Variants in HDGFL3 observed in about 807,000 individuals in gnomAD.
The protein encoded by HDGFL3 is HDGF like 3.
Under a neutral mutation model 27.6 loss-of-function variants are expected in HDGFL3, and 6 were observed. The observed-to-expected ratio is 0.22, with a 90% confidence interval of 0.12 to 0.43. The LOEUF (loss-of-function observed/expected upper bound fraction) is 0.43. HDGFL3 is among the 20% of genes least tolerant of loss of function. The pLI, the probability that HDGFL3 is intolerant of heterozygous loss-of-function variation, is 1.00. For missense variants in HDGFL3, 207 were observed against 250.1 expected, an observed-to-expected ratio of 0.83 and a Z score of 1.16; for synonymous variants, 88 against 88.9, an observed-to-expected ratio of 0.99 and a Z score of 0.05.
intron 1 of HDGFL3, among the ~76,000 whole-genome samples, chr15:83,187,496 T>C (rs1466705783): frequency 6.6e-6 from 1 of 152,214 alleles, no homozygotes; most frequent in African/African-American, 2.4e-5. Context: ...TTGTTTTTAA[T>C]GGCCGCATAA....
intron 1 of HDGFL3, among the ~76,000 whole-genome samples, chr15:83,186,829 T>C (rs1476704187): frequency 6.6e-6 from 1 of 152,172 alleles, no homozygotes; most frequent in Non-Finnish European, 1.5e-5. Flanking sequence ...TTTACCGCAA[T>C]ATAATGCATC....
chr15:83,164,091 TTA>T lies in HDGFL3; in HGVS notation c.85-18_85-17del. On this transcript the variant is annotated splice_polypyrimidine_tract_variant and intron_variant, in intron 1 of 5. Coordinates refer to ENST00000299633, the MANE Select transcript of HDGFL3 (RefSeq NM_016073.4). Reference sequence around the variant, plus strand: ...GTTCATCAATCTATGAAAGATACATTTAGTTACTGAGTGAGTGGTTATCATAA... The same window carrying T: ...GTTCATCAATCTATGAAAGATACATTGTTACTGAGTGAGTGGTTATCATAA... The T allele has an allele frequency of 6.5e-7, 1 of 1,534,874 alleles. No homozygotes were observed.
chr15:83,115,441 G>C (rs928445807), exon 4 of HDGFL3: 3 of 356,152 alleles, frequency 8.4e-6, no homozygotes, highest in Non-Finnish European at 1.7e-5. Flanking sequence ...TAAACTTAGT[G>C]GTCACTTCTA....
Position 83,153,847 on chromosome 15 carries a change from T to C in HDGFL3, c.460-2486A>G, listed in dbSNP as rs533284449. 1.2e-4 allele frequency among the ~76,000 whole-genome samples: 18 copies of C among 152,302 alleles called. No individual in the cohort carries two copies. The South Asian group carries it at 3.5e-3, about 30-fold the overall frequency. Reference sequence around the variant, plus strand: ...CATATAATCTCCCTCAAATCTACTATAGCATGACTTTTCATTGTGATTACT... The same window carrying C: ...CATATAATCTCCCTCAAATCTACTACAGCATGACTTTTCATTGTGATTACT... On this transcript the variant is annotated intron_variant, in intron 4 of 5. Transcript: ENST00000299633.
intron 1 of HDGFL3, among the ~76,000 whole-genome samples, chr15:83,170,608 A>G (rs941600618): frequency 3.9e-5 from 6 of 152,226 alleles, no homozygotes; most frequent in African/African-American, 1.4e-4. Context: ...ACCTCAAACT[A>G]TAAGAATCGT....
exon 4 of HDGFL3, chr15:83,115,091 A>T (rs1184490550): frequency 6.5e-6 from 1 of 153,934 alleles, no homozygotes; most frequent in African/African-American, 2.4e-5. Flanking sequence ...CTTGGGAATC[A>T]TTGAGATGAA....
intron 4 of HDGFL3, among the ~76,000 whole-genome samples, chr15:83,155,454 T>C (rs1360216872): frequency 1.3e-5 from 2 of 152,176 alleles, no homozygotes; most frequent in African/African-American, 4.8e-5. Flanking sequence ...CAGCAGGCAA[T>C]CACAAATTAA....
chr15:83,207,606 C>G lies in HDGFL3; in HGVS notation c.-192G>C. 3.3e-6 allele frequency: 1 copy of G among 306,138 alleles called. No homozygotes were observed. The highest frequency in any genetic ancestry group is 5.9e-6 in the Non-Finnish European group (1 of 170,424). 19.0% of individuals were successfully genotyped at this position (306,138 alleles called of 1,614,324 possible). ...TGGGCGGGGGGCGCAGCAGGCCCGG[C>G]AAATCACGGCCCGGCAGCGGGGGAG... On this transcript the variant is annotated 5_prime_UTR_variant, in exon 1 of 6. Transcript: ENST00000299633. This position sits in a 1 kb window ranked among gnomAD's most constrained non-coding sequence, Gnocchi z 4.8.
chr15:83,117,988 G>A (rs2034833300), intron 3 of HDGFL3, among the ~76,000 whole-genome samples: 1 of 152,192 alleles, frequency 6.6e-6, no homozygotes, highest in African/African-American at 2.4e-5. Flanking sequence ...GATTTGCTGA[G>A]AGACTGCATA....
chr15:83,173,593 G>A (rs2037272679), intron 1 of HDGFL3, among the ~76,000 whole-genome samples: 1 of 151,940 alleles, frequency 6.6e-6, no homozygotes, highest in African/African-American at 2.4e-5. Context: ...GATTTTTTAT[G>A]TTTCTCTAGA....
At chr15:83,154,934 T>A (rs571920475) in intron 4 of HDGFL3, among the ~76,000 whole-genome samples, 1 of 152,292 alleles carries the variant, frequency 6.6e-6, no homozygotes, top group Admixed American at 6.5e-5. Flanking sequence ...CGTGGCATGA[T>A]CATGGCTCAG....
exon 4 of HDGFL3, chr15:83,113,045 G>A (rs2034333563): frequency 4.3e-6 from 3 of 689,918 alleles, no homozygotes; most frequent in Non-Finnish European, 5.1e-6. Flanking sequence ...AGGACAATCT[G>A]GCCCTCGCCT....
chr15:83,167,124 G>A (rs2037179678), intron 1 of HDGFL3, among the ~76,000 whole-genome samples: 1 of 152,172 alleles, frequency 6.6e-6, no homozygotes, highest in Non-Finnish European at 1.5e-5. Context: ...GTCTTCCAGA[G>A]ACCCATCTTA....
chr15:83,143,419 C>T (rs557616058), intron 5 of HDGFL3, among the ~76,000 whole-genome samples: 1 of 152,120 alleles, frequency 6.6e-6, no homozygotes, highest in Non-Finnish European at 1.5e-5. Context: ...ATCCTAACTA[C>T]GAAAAACACA....
At chr15:83,206,569 G>C (rs2037719686) in intron 1 of HDGFL3, among the ~76,000 whole-genome samples, 1 of 152,222 alleles carries the variant, frequency 6.6e-6, no homozygotes, top group Non-Finnish European at 1.5e-5. Flanking sequence ...TGTAGGAAGA[G>C]AGAGCTATTG....
chr15:83,120,587 C>T lies in HDGFL3; in HGVS notation c.394-4846G>A, dbSNP rs199504029. 5.7e-4 allele frequency among the ~76,000 whole-genome samples: 72 copies of T among 125,912 alleles called. 1 individual carries two copies. Among genetic ancestry groups the T allele is most frequent in the African/African-American group, 1.8e-3 (61 of 34,408 alleles). 82.6% of individuals were successfully genotyped at this position (125,912 alleles called of 152,430 possible). On this transcript the variant is annotated intron_variant, in intron 3 of 3. Transcript: ENST00000568294. ...CACTCAAGGTCAGCTCCAGCTAATT[C>T]TTTTTTTTTTTTTTTTTTTTTGAGA...
chr15:83,171,531 C>T (rs1412737638), intron 1 of HDGFL3, among the ~76,000 whole-genome samples: 1 of 152,164 alleles, frequency 6.6e-6, no homozygotes, highest in Non-Finnish European at 1.5e-5. Flanking sequence ...AAATGTGGTA[C>T]ATATACACCA....
At chr15:83,142,386 G>A (rs2036790367) in intron 5 of HDGFL3, among the ~76,000 whole-genome samples, 3 of 152,056 alleles carry the variant, frequency 2.0e-5, no homozygotes, top group Admixed American at 2.0e-4. Flanking sequence ...AACATGCATA[G>A]AGCTAGAGGC....
At chr15:83,159,108 TG>T (rs1211462658) in intron 2 of HDGFL3, among the ~76,000 whole-genome samples, 1 of 152,182 alleles carries the variant, frequency 6.6e-6, no homozygotes, top group Non-Finnish European at 1.5e-5. Context: ...CCCAAAGTGT[TG>T]GGATTACAGG....
Sources: allele counts gnomAD v4.1 joint callset (sites outside exome capture counted in the v4.1 genomes callset), GRCh38; gene constraint gnomAD v4.1.1; non-coding constraint Gnocchi (gnomAD v3.1); transcripts MANE v1.5; gene names NCBI Gene and HGNC (gene_info 2026-07-23, HGNC 2026-07-21).